TCF7L2: variants seen among roughly 807,000 people sequenced by gnomAD.
TCF7L2 encodes transcription factor 7 like 2, also known as transcription factor 7-like 2.
TCF7L2 carries 23 observed loss-of-function variants against 77.9 expected under a neutral mutation model. The ratio of observed to expected loss-of-function variants is 0.30; its 90% CI spans 0.21 to 0.42. The LOEUF (loss-of-function observed/expected upper bound fraction) is 0.42. TCF7L2 is among the 10% of genes least tolerant of loss of function. The pLI, the probability that TCF7L2 is intolerant of heterozygous loss-of-function variation, is 1.00. For missense variants in TCF7L2, 654 were observed against 793.1 expected (o/e 0.82, Z 2.11); for synonymous variants, 413 against 340.2 (o/e 1.21, Z -2.36).
intron 4 of TCF7L2, among the ~76,000 whole-genome samples, chr10:113,001,865 A>G (rs994138741): frequency 6.6e-6 from 1 of 152,260 alleles, no homozygotes; most frequent in African/African-American, 2.4e-5. Context: ...CTAAAGAATT[A>G]AAAGCCCCTT....
intron 4 of TCF7L2, among the ~76,000 whole-genome samples, chr10:112,988,162 C>T (rs2041910048): frequency 6.6e-6 from 1 of 151,438 alleles, no homozygotes; most frequent in Non-Finnish European, 1.5e-5. Flanking sequence ...AGTACAGTGG[C>T]TCTCAGCTCA....
chr10:113,093,329 T>C (rs1431438442), intron 5 of TCF7L2, among the ~76,000 whole-genome samples: 1 of 152,168 alleles, frequency 6.6e-6, no homozygotes, highest in Non-Finnish European at 1.5e-5. Context: ...GTGAGAGCTA[T>C]AAAAATTGCT....
chr10:113,025,328 T>A (rs2048966693), intron 4 of TCF7L2, among the ~76,000 whole-genome samples: 1 of 149,600 alleles, frequency 6.7e-6, no homozygotes, highest in Admixed American at 6.8e-5. Flanking sequence ...AATCTCCGCC[T>A]CCTGGGTTCA....
chr10:113,046,122 T>C (rs1385890117), intron 5 of TCF7L2, among the ~76,000 whole-genome samples: 1 of 152,144 alleles, frequency 6.6e-6, no homozygotes, highest in African/African-American at 2.4e-5. Context: ...AGCTTCCTTC[T>C]CTCCTCCCAG....
chr10:112,950,403 T>C lies in TCF7L2; in HGVS notation c.-354T>C, dbSNP rs1045356120. The C allele has an allele frequency of 1.3e-4, 25 of 195,440 alleles. No individual in the cohort carries two copies. The highest frequency in any genetic ancestry group is 9.9e-4 in the South Asian group (8 of 8,054). 12.1% of individuals were successfully genotyped at this position (195,440 alleles called of 1,614,324 possible). On this transcript the variant is annotated 5_prime_UTR_variant, in exon 1 of 14. Coordinates refer to ENST00000627217, the MANE Select transcript of TCF7L2 (RefSeq NM_001146274.2). Reference sequence around the variant, plus strand: ...ACGAGCACCTCCTGTATCTTCGGCTTCCCCCCCCCTTTGCTCTTTATATCT... The same window carrying C: ...ACGAGCACCTCCTGTATCTTCGGCTCCCCCCCCCCTTTGCTCTTTATATCT...
At chr10:113,102,874 A>T (rs567872207) in intron 5 of TCF7L2, among the ~76,000 whole-genome samples, 1 of 152,342 alleles carries the variant, frequency 6.6e-6, no homozygotes, top group South Asian at 2.1e-4. Context: ...TTTCATAAGT[A>T]TTATTGTTTC....
chr10:113,047,392 C>G (rs1277123256), intron 5 of TCF7L2, among the ~76,000 whole-genome samples: 1 of 152,152 alleles, frequency 6.6e-6, no homozygotes, highest in Non-Finnish European at 1.5e-5. Context: ...GCCCTTAACT[C>G]CACCCCGCCC....
At chr10:112,985,714 C>A (rs183937313) in intron 4 of TCF7L2, among the ~76,000 whole-genome samples, 1 of 152,024 alleles carries the variant, frequency 6.6e-6, no homozygotes, top group Admixed American at 6.6e-5. Flanking sequence ...CCTCCTGGGG[C>A]GAGGCTGTGG....
intron 4 of TCF7L2, among the ~76,000 whole-genome samples, chr10:113,006,585 C>G (rs2045594255): frequency 1.3e-5 from 2 of 152,224 alleles, no homozygotes; most frequent in Admixed American, 1.3e-4. Flanking sequence ...TCTGGCATCT[C>G]AGAGGCTCTT....
chr10:113,062,764 G>A (rs1199129262), intron 5 of TCF7L2, among the ~76,000 whole-genome samples: 1 of 152,152 alleles, frequency 6.6e-6, no homozygotes, highest in Non-Finnish European at 1.5e-5. Context: ...TCAGGGCTCT[G>A]TGGTCTATTA....
At chr10:113,094,210 C>T (rs1381748653) in intron 5 of TCF7L2, among the ~76,000 whole-genome samples, 3 of 152,196 alleles carry the variant, frequency 2.0e-5, no homozygotes, top group African/African-American at 7.2e-5. Context: ...AAGCTAGACA[C>T]ATAAACAGGG....
chr10:112,999,434 A>T (rs2044084405), intron 4 of TCF7L2, among the ~76,000 whole-genome samples: 2 of 152,226 alleles, frequency 1.3e-5, no homozygotes, highest in Admixed American at 1.3e-4. Flanking sequence ...ATTATATAAT[A>T]GTATCTTGTC....
At chr10:113,128,733 C>T (rs1440532329) in intron 5 of TCF7L2, among the ~76,000 whole-genome samples, 1 of 152,106 alleles carries the variant, frequency 6.6e-6, no homozygotes, top group Non-Finnish European at 1.5e-5. Context: ...TCTGTAATCC[C>T]TCCATGAGCA....
chr10:113,115,460 C>T (rs1396460365), intron 5 of TCF7L2, among the ~76,000 whole-genome samples: 2 of 152,136 alleles, frequency 1.3e-5, no homozygotes, highest in Admixed American at 6.5e-5. Context: ...AATCTTGTAT[C>T]GCTTGTTAGA....
rs141060651 is a variant in TCF7L2 at position 112,966,184 on chromosome 10, T to TTATATATATATA, written c.450+1576_450+1587dup. 2.6e-3 allele frequency among the ~76,000 whole-genome samples: 294 copies of TTATATATATATA among 114,200 alleles called. 22 individuals are homozygous for TTATATATATATA. Among genetic ancestry groups the TTATATATATATA allele is most frequent in the African/African-American group, 0.013 (277 of 20,986 alleles). The allele number at this position is 114,200 out of a possible 152,430, so 74.9% of individuals were successfully genotyped here. A position where few individuals can be genotyped will look rare whatever the true frequency, so the allele number is the denominator to read the frequency against. On this transcript the variant is annotated intron_variant, in intron 4 of 13. Transcript: ENST00000627217. Reference sequence around the variant, plus strand: ...GAGTGAGACTCTGTCTAAAATATATTTATATATATATATATATATATATAT... The same window carrying TTATATATATATA: ...GAGTGAGACTCTGTCTAAAATATATTTATATATATATATATATATATATATATATATATATAT...
rs143411121 is a variant in TCF7L2, at chr10:113,165,951, C to T, written c.1788C>T (p.Leu596=). The T allele has an allele frequency of 2.9e-5, 44 of 1,536,292 alleles. No homozygotes were observed. Among genetic ancestry groups the T allele is most frequent in the African/African-American group, 2.4e-4 (17 of 72,226 alleles). ...GGACCCAGCCCCAGCCGCTGTCGCT[C>T]GTCACCAAGTCTTTAGAATAGCTTT... Residue 596 remains leucine, a synonymous_variant, in exon 14 of 14, where the codon CTC becomes CTT. Transcript: ENST00000627217.
chr10:113,141,825 G>A (rs1259168419), intron 6 of TCF7L2, among the ~76,000 whole-genome samples: 1 of 152,174 alleles, frequency 6.6e-6, no homozygotes, highest in Non-Finnish European at 1.5e-5. Context: ...CACATCACTG[G>A]ATTCTGCATT....
intron 5 of TCF7L2, among the ~76,000 whole-genome samples, chr10:113,091,285 A>G (rs578247569): frequency 6.6e-6 from 1 of 152,324 alleles, no homozygotes; most frequent in African/African-American, 2.4e-5. Flanking sequence ...CAAAATTGGT[A>G]TTATACCTCA....
intron 8 of TCF7L2, among the ~76,000 whole-genome samples, chr10:113,149,081 CA>C (rs965551693): frequency 9.9e-5 from 15 of 152,186 alleles, no homozygotes; most frequent in Non-Finnish European, 1.5e-5. Context: ...GTCAGGCCTT[CA>C]AAATTCACAG....
Sources: gnomAD v4.1 joint callset for allele counts (sites outside exome capture counted in the v4.1 genomes callset) on GRCh38, gnomAD v4.1.1 for gene constraint, MANE v1.5 for transcripts, NCBI Gene and HGNC (gene_info 2026-07-23, HGNC 2026-07-21) for gene names.